Variants in MTRFR observed in about 807,000 individuals in gnomAD.
The protein encoded by MTRFR is mitochondrial translation release factor in rescue.
MTRFR carries 10 observed loss-of-function variants against 11.9 expected under a neutral mutation model. The observed-to-expected ratio is 0.84, with a 90% CI of 0.52 to 1.42. The LOEUF (loss-of-function observed/expected upper bound fraction) is 1.42. MTRFR is among the 40% of genes most tolerant of loss of function. The pLI is 0.00. For synonymous variants in MTRFR, 77 were observed against 79.1 expected (o/e 0.97, Z 0.14); for missense variants, 196 against 197.9 (o/e 0.99, Z 0.06).
chr12:123,233,670 C>T, intron 1 of MTRFR, 139 bp downstream of exon 1: 1 of 152,556 alleles, frequency 6.6e-6, no homozygotes, highest in Non-Finnish European at 1.5e-5. Flanking sequence ...TACCTGAGGC[C>T]GCGCTGGCGG....
chr12:123,253,529 C>A, intron 1 of MTRFR, 118 bp from the exon 2 acceptor site: 1 of 987,516 alleles, frequency 1.0e-6, no homozygotes, highest in Non-Finnish European at 1.6e-6. Flanking sequence ...CCTAAATTCC[C>A]TCGGTAACAG....
intron 1 of MTRFR, among the ~76,000 whole-genome samples, chr12:123,239,540 C>G (rs1179831902): frequency 1.3e-5 from 2 of 152,052 alleles, no homozygotes; most frequent in South Asian, 2.1e-4. Flanking sequence ...GTAGCTGGGA[C>G]TACAGCTACG....
chr12:123,237,561 C>T (rs955727485), intron 1 of MTRFR, among the ~76,000 whole-genome samples: 10 of 152,216 alleles, frequency 6.6e-5, no homozygotes, highest in African/African-American at 2.4e-4. Context: ...TTAGACCAGA[C>T]CTAGAGTAGT....
chr12:123,253,121 G>A lies in MTRFR; in HGVS notation c.-28-526G>A, dbSNP rs1291635845. ...TTTTTTTTTTTTGAGACACTGTCTC[G>A]CTCTGTTGTCCAGGCTGGAGTGCAG... On this transcript the variant is annotated intron_variant, in intron 1 of 2. Transcript: ENST00000253233. Among the ~76,000 whole-genome samples, 6 of 83,888 alleles carry A rather than the reference G, an allele frequency of 7.2e-5. No homozygotes were observed. The Admixed American group carries it at 8.0e-4, about 11-fold the overall frequency. 55.0% of individuals were successfully genotyped at this position (83,888 alleles called of 152,430 possible).
intron 1 of MTRFR, among the ~76,000 whole-genome samples, chr12:123,234,459 G>C (rs1037679067): frequency 7.9e-5 from 12 of 152,110 alleles, no homozygotes; most frequent in African/African-American, 2.9e-4. Flanking sequence ...GCAGTGGCGC[G>C]ATCTCGGCTC....
At chr12:123,246,146 C>G (rs1270616282) in intron 1 of MTRFR, among the ~76,000 whole-genome samples, 2 of 152,110 alleles carry the variant, frequency 1.3e-5, no homozygotes, top group African/African-American at 4.8e-5. Context: ...CAACCTCCGC[C>G]TCCCAGGTTC....
intron 1 of MTRFR, among the ~76,000 whole-genome samples, chr12:123,246,244 C>A (rs575996927): frequency 6.6e-6 from 1 of 151,620 alleles, no homozygotes; most frequent in South Asian, 2.1e-4. Context: ...TCAGTAGAGA[C>A]GGGGTTTCAC....
Position 123,256,894 on chromosome 12 carries a change from G to A in MTRFR, c.364G>A (p.Gly122Ser), listed in dbSNP as rs1403915756. The A allele has an allele frequency of 2.5e-6, 4 of 1,613,628 alleles. No homozygotes were observed. The highest frequency in any genetic ancestry group is 3.3e-4 in the Middle Eastern group (2 of 6,084). The change falls in exon 3 of 3, where the codon GGT becomes AGT. Residue 122 changes from glycine to serine, a missense_variant. Gly to Ser is a moderately conservative substitution (Grantham distance 56, BLOSUM62 0). Coordinates refer to ENST00000253233, the MANE Select transcript of MTRFR (RefSeq NM_152269.5). ...AGAGAAAGTAGATGTTTTCTACAAT[G>A]GTGAAAACAGTCCTGTTCACAAAGA... ...LQEKVDVFYNGENSPVHKEKR... is the reference protein window; with the variant it reads ...LQEKVDVFYNSENSPVHKEKR...
chr12:123,254,103 ACCGCAGAT>A, intron 2 of MTRFR, 147 bp downstream of exon 2: 1 of 896,428 alleles, frequency 1.1e-6, no homozygotes, highest in Non-Finnish European at 1.7e-6. Context: ...AGTAGAGAGC[ACCGCAGAT>A]CTCGTCCCAT....
At chr12:123,252,368 G>A (rs1485209315) in intron 1 of MTRFR, 1 of 151,968 alleles carries the variant, frequency 6.6e-6, no homozygotes, top group Non-Finnish European at 1.5e-5. Context: ...GGAAGTCAAG[G>A]CTGCAGTGAG....
At chr12:123,250,024 T>C (rs993431836) in intron 1 of MTRFR, 4 of 152,232 alleles carry the variant, frequency 2.6e-5, no homozygotes, top group African/African-American at 9.6e-5. Flanking sequence ...TATTCTTAGG[T>C]TTGGTCGTTT....
Position 123,244,930 on chromosome 12 carries a change from A to AT in MTRFR, c.-28-8687dup, listed in dbSNP as rs544105176. On this transcript the variant is annotated intron_variant, in intron 1 of 2. Coordinates refer to ENST00000253233, the MANE Select transcript of MTRFR (RefSeq NM_152269.5). The stretch of plus-strand genomic sequence containing the variant: ...ACAGGTATGAGCCACCGCACCCGGC[A>AT]TTTTTTTTTTTTTTTTTTTTTTTTT... Among the ~76,000 whole-genome samples, 139 of 65,090 alleles carry AT rather than the reference A, an allele frequency of 2.1e-3. 18 individuals carry two copies. Among genetic ancestry groups the AT allele is most frequent in the Middle Eastern group, 0.013 (1 of 78 alleles). The allele number at this position is 65,090 out of a possible 152,430, so 42.7% of individuals were successfully genotyped here.
At chr12:123,237,640 T>A (rs558188147) in intron 1 of MTRFR, among the ~76,000 whole-genome samples, 2 of 152,212 alleles carry the variant, frequency 1.3e-5, no homozygotes. Flanking sequence ...CTATTATGCT[T>A]TCCTTGTTTG....
intron 1 of MTRFR, among the ~76,000 whole-genome samples, chr12:123,236,817 G>A (rs186340904): frequency 7.8e-4 from 118 of 152,038 alleles, no homozygotes; most frequent in African/African-American, 2.8e-3. Context: ...GGCCGGGCGC[G>A]GTGGCTCACA....
intron 2 of MTRFR, chr12:123,254,172 C>T (rs1371568049): frequency 8.6e-6 from 5 of 581,068 alleles, no homozygotes; most frequent in Non-Finnish European, 1.2e-5. Flanking sequence ...GCCTGGGAAG[C>T]CTGTTTCCAG....
At chr12:123,252,287 A>C (rs761885151) in intron 1 of MTRFR, 2 of 151,994 alleles carry the variant, frequency 1.3e-5, no homozygotes, top group Non-Finnish European at 2.9e-5. Flanking sequence ...GTAATTACTC[A>C]GATGTGGTGG....
chr12:123,254,994 G>A (rs980360897), intron 2 of MTRFR: 2 of 151,866 alleles, frequency 1.3e-5, no homozygotes, highest in Non-Finnish European at 2.9e-5. Context: ...CAGGGATCAC[G>A]AGAGAGTCCT....
chr12:123,255,210 G>T (rs543925440), intron 2 of MTRFR, among the ~76,000 whole-genome samples: 1 of 152,230 alleles, frequency 6.6e-6, no homozygotes, highest in East Asian at 1.9e-4. Context: ...ACCTGCCCAA[G>T]GTCCTGCCAC....
chr12:123,247,664 A>C (rs1323651715), intron 1 of MTRFR, among the ~76,000 whole-genome samples: 1 of 152,194 alleles, frequency 6.6e-6, no homozygotes, highest in Non-Finnish European at 1.5e-5. Flanking sequence ...ATGAGGTACC[A>C]GCTGGGCACG....
Sources: gnomAD v4.1 joint callset for allele counts (sites outside exome capture counted in the v4.1 genomes callset) on GRCh38, gnomAD v4.1.1 for gene constraint, MANE v1.5 for transcripts, NCBI Gene and HGNC (gene_info 2026-07-23, HGNC 2026-07-21) for gene names.